Variants in CNGA1 observed in about 807,000 individuals in gnomAD.
CNGA1 encodes the protein cyclic nucleotide-gated channel alpha-1.
Under a neutral mutation model 69.7 loss-of-function variants are expected in CNGA1, and 53 were observed. The observed-to-expected ratio is 0.76, with a 90% CI of 0.61 to 0.96. CNGA1 has a LOEUF of 0.96. Ranked by LOEUF, CNGA1 falls within the 40% of genes least tolerant of loss-of-function variation. The pLI is 0.00. For synonymous variants in CNGA1, 249 were observed against 283.5 expected (o/e 0.88, Z 1.22); for missense variants, 739 against 811.2 (o/e 0.91, Z 1.08).
intron 3 of CNGA1, among the ~76,000 whole-genome samples, chr4:47,959,423 C>T (rs980458151): frequency 7.6e-6 from 1 of 132,136 alleles, no homozygotes; most frequent in African/African-American, 2.5e-5. Context: ...TTTAAAAGTA[C>T]ATGGAGAAAA....
At chr4:47,946,680 G>GGAT (rs1399438836) in intron 6 of CNGA1, among the ~76,000 whole-genome samples, 4 of 152,238 alleles carry the variant, frequency 2.6e-5, no homozygotes, top group Non-Finnish European at 4.4e-5. Flanking sequence ...GTATCAATCC[G>GGAT]TCATATGATG....
In CNGA1 at chr4:47,937,388, G is replaced by A. The variant is rs757509793; in HGVS notation, c.1094C>T (p.Pro365Leu). The A allele has an allele frequency of 4.3e-6, 7 of 1,614,134 alleles. No homozygotes were observed. The highest frequency in any genetic ancestry group is 5.1e-6 in the Non-Finnish European group (6 of 1,180,038). The change falls in exon 11 of 11, where the codon CCC (proline) becomes CTC (leucine). Residue 365 changes from proline to leucine, a missense_variant. Physicochemically the swap from Pro to Leu is moderately conservative, Grantham distance 98 (BLOSUM62 -3). Transcript: ENST00000514170. ...TLTTIGETPP[P>L]VRDSEYVFVV... is the part of the protein sequence containing the mutation. ...AAAGACATACTCAGAATCCCTCACG[G>A]GAGGGGGTGTTTCACCAATGGTAGT...
chr4:47,937,551 C>T lies in CNGA1; in HGVS notation c.931G>A (p.Ala311Thr). The T allele has an allele frequency of 1.2e-6, 2 of 1,614,170 alleles. No homozygotes were observed. Among genetic ancestry groups the T allele is most frequent in the Non-Finnish European group, 1.7e-6 (2 of 1,180,034 alleles). ...MYIVIIIHWN[A>T]CVFYSISKAI... The stretch of plus-strand genomic sequence containing the variant: ...TTAGAAATAGAGTAGAACACACATG[C>T]ATTCCAGTGGATAATGATGACGATA... The change falls in exon 11 of 11, where the codon GCA becomes ACA. Residue 311 changes from alanine (A) to threonine (T), a missense_variant. By Grantham distance (58) the Ala-to-Thr change is moderately conservative (BLOSUM62 0). Coordinates refer to ENST00000514170, the MANE Select transcript of CNGA1 (RefSeq NM_001379270.1).
intron 3 of CNGA1, among the ~76,000 whole-genome samples, chr4:47,967,282 G>A (rs1246957073): frequency 1.3e-5 from 2 of 151,900 alleles, no homozygotes; most frequent in African/African-American, 4.8e-5. Flanking sequence ...CTGCCTGGGC[G>A]ACAGAACCAG....
At chr4:47,942,618 C>CTGTT (rs1185356131) in intron 8 of CNGA1, among the ~76,000 whole-genome samples, 2 of 152,056 alleles carry the variant, frequency 1.3e-5, no homozygotes, top group Non-Finnish European at 2.9e-5. Context: ...GGTCTGTGGT[C>CTGTT]TGTTAGGAAC....
intron 3 of CNGA1, among the ~76,000 whole-genome samples, chr4:47,967,013 T>C (rs1489188123): frequency 2.0e-5 from 3 of 152,068 alleles, no homozygotes; most frequent in Admixed American, 2.0e-4. Context: ...TAATCTACAG[T>C]TAACATTGGC....
At chr4:47,969,894 A>G (rs1392152916) in intron 3 of CNGA1, among the ~76,000 whole-genome samples, 2 of 152,208 alleles carry the variant, frequency 1.3e-5, no homozygotes, top group Non-Finnish European at 2.9e-5. Context: ...AAGTGTACTC[A>G]ATGTTATGAA....
rs546559887 is a variant in CNGA1, at chr4:47,970,390, C to A, written c.-15+11003G>T. Among the ~76,000 whole-genome samples the A allele has an allele frequency of 4.6e-5, 7 of 152,290 alleles. No individual in the cohort carries two copies. In the East Asian group the frequency reaches 5.8e-4, roughly 13 times the overall value. ...TCTCCTGCTAGGATTACTGCTCACA[C>A]CTGTAATCCCAGCACTTTGGGAGAC... On this transcript the variant is annotated intron_variant, in intron 3 of 10. Transcript: ENST00000514170.
intron 2 of CNGA1, among the ~76,000 whole-genome samples, chr4:47,998,691 T>A (rs1714511352): frequency 6.6e-6 from 1 of 152,082 alleles, no homozygotes; most frequent in Admixed American, 6.5e-5. Context: ...GGCAAGAGAA[T>A]CGCTTGAACC....
At chr4:47,982,899 G>A (rs1441598920) in intron 2 of CNGA1, among the ~76,000 whole-genome samples, 1 of 152,112 alleles carries the variant, frequency 6.6e-6, no homozygotes, top group Non-Finnish European at 1.5e-5. Flanking sequence ...CCATCTCCCA[G>A]GTTCAAGCAA....
intron 3 of CNGA1, among the ~76,000 whole-genome samples, chr4:47,955,567 C>T (rs372442232): frequency 1.2e-4 from 19 of 152,232 alleles, no homozygotes; most frequent in African/African-American, 3.9e-4. Flanking sequence ...GCTGCAGTTC[C>T]CTGCCTGAGC....
rs569092237 is a variant in CNGA1, at chr4:47,937,387, G to A, written c.1095C>T (p.Pro365=). 67 of 1,614,042 alleles carry A rather than the reference G, an allele frequency of 4.2e-5. No individual in the cohort carries two copies. Among genetic ancestry groups the A allele is most frequent in the Middle Eastern group, 3.3e-4 (2 of 6,082 alleles). ...TLTTIGETPP[P]VRDSEYVFVV... ...CAAAGACATACTCAGAATCCCTCAC[G>A]GGAGGGGGTGTTTCACCAATGGTAG... Residue 365 remains proline (P), a synonymous_variant, in exon 11 of 11, where the codon CCC becomes CCT. Coordinates refer to ENST00000514170, the MANE Select transcript of CNGA1 (RefSeq NM_001379270.1).
At chr4:47,944,555 G>A (rs1338261414) in intron 6 of CNGA1, among the ~76,000 whole-genome samples, 2 of 152,178 alleles carry the variant, frequency 1.3e-5, no homozygotes, top group African/African-American at 2.4e-5. Context: ...TAACACCATG[G>A]CAGATGGTGG....
At chr4:47,949,161 CAA>C (rs1028065746) in intron 6 of CNGA1, among the ~76,000 whole-genome samples, 3 of 152,170 alleles carry the variant, frequency 2.0e-5, no homozygotes, top group Non-Finnish European at 4.4e-5. Flanking sequence ...CCCCACTTGC[CAA>C]GAGTGTTGGT....
chr4:48,002,686 AAAAAAAAAAAAAAC>A (rs1263410068), intron 2 of CNGA1, among the ~76,000 whole-genome samples: 6 of 42,128 alleles, frequency 1.4e-4, no homozygotes, highest in African/African-American at 2.5e-4. Flanking sequence ...AGACATGCAA[AAAAAAAAAAAAAAC>A]AAAAACAAAA....
chr4:47,958,121 C>T (rs1266856020), intron 3 of CNGA1, among the ~76,000 whole-genome samples: 1 of 152,006 alleles, frequency 6.6e-6, no homozygotes, highest in Non-Finnish European at 1.5e-5. Flanking sequence ...GTCTTGATCT[C>T]CTGACCTCGT....
At chr4:47,939,315 A>G (rs1738923125) in intron 10 of CNGA1, among the ~76,000 whole-genome samples, 1 of 152,214 alleles carries the variant, frequency 6.6e-6, no homozygotes, top group South Asian at 2.1e-4. Context: ...GAACACATCT[A>G]TGAACTAGGA....
intron 3 of CNGA1, among the ~76,000 whole-genome samples, chr4:47,957,004 G>A (rs982002211): frequency 6.6e-6 from 1 of 151,938 alleles, no homozygotes; most frequent in East Asian, 1.9e-4. Context: ...CACAATCTTG[G>A]TTCACTGCAA....
chr4:47,994,715 C>T (rs569306242), intron 2 of CNGA1, among the ~76,000 whole-genome samples: 20 of 152,142 alleles, frequency 1.3e-4, no homozygotes, highest in Non-Finnish European at 2.1e-4. Flanking sequence ...CATTGTACTA[C>T]TTGTTGCCCA....
Sources: allele counts gnomAD v4.1 joint callset (sites outside exome capture counted in the v4.1 genomes callset), GRCh38; gene constraint gnomAD v4.1.1; transcripts MANE v1.5; gene names NCBI Gene and HGNC (gene_info 2026-07-23, HGNC 2026-07-21).